Variants in KALRN observed in about 807,000 individuals in gnomAD.
KALRN encodes kalirin RhoGEF kinase.
A neutral mutation model predicts 353.7 loss-of-function variants in KALRN; 70 were observed. That is an observed-to-expected ratio of 0.20 (90% CI 0.16 to 0.24). KALRN has a LOEUF of 0.24. Ranked by LOEUF, KALRN falls within the 10% of genes least tolerant of loss-of-function variation. KALRN has a pLI of 1.00. For synonymous variants in KALRN, 1,391 were observed against 1,434.8 expected (o/e 0.97, Z 0.69); for missense variants, 2,791 against 3,756.7 (o/e 0.74, Z 6.72).
chr3:124,596,200 AG>A (rs201809697), intron 34 of KALRN, among the ~76,000 whole-genome samples: 22 of 147,988 alleles, frequency 1.5e-4, no homozygotes, highest in Non-Finnish European at 1.3e-4. Context: ...AAAAAAAAAA[AG>A]GACCAGGTGC....
rs2092605965 is a variant in KALRN, at chr3:124,418,188, G to A, written c.2542+4523G>A. The stretch of plus-strand genomic sequence containing the variant: ...TTTTCAAAATGAAAGCTACTCTGGG[G>A]TGAATAGGAATGTGGATCTGAGGGG... On this transcript the variant is annotated intron_variant, in intron 14 of 59. Transcript: ENST00000682506. Among the ~76,000 whole-genome samples the A allele has an allele frequency of 4.6e-5, 7 of 152,154 alleles. No individual in the cohort carries two copies. The South Asian group carries it at 1.2e-3, about 27-fold the overall frequency.
intron 1 of KALRN, among the ~76,000 whole-genome samples, chr3:124,214,287 T>C (rs1246747679): frequency 6.6e-6 from 1 of 152,192 alleles, no homozygotes. Flanking sequence ...TTGTATAATA[T>C]TTAATGCATA....
chr3:124,577,877 A>G (rs2074269381), intron 34 of KALRN, among the ~76,000 whole-genome samples: 28 of 152,124 alleles, frequency 1.8e-4, no homozygotes, highest in Admixed American at 1.8e-3. Flanking sequence ...AAACAAACAA[A>G]CAAACAAACA....
intron 13 of KALRN, among the ~76,000 whole-genome samples, chr3:124,400,685 T>C (rs992722521): frequency 2.6e-5 from 4 of 152,192 alleles, no homozygotes; most frequent in Non-Finnish European, 2.9e-5. Flanking sequence ...TATGGGTCAT[T>C]ATTCTTTAGT....
intron 5 of KALRN, among the ~76,000 whole-genome samples, chr3:124,290,745 T>C (rs904930523): frequency 2.0e-5 from 3 of 152,134 alleles, no homozygotes; most frequent in African/African-American, 7.2e-5. Context: ...TTAGGAGGAT[T>C]AAGTGAGTTA....
chr3:124,446,687 C>G, intron 20 of KALRN, 76 bp from the exon 21 acceptor site: 3 of 1,553,598 alleles, frequency 1.9e-6, no homozygotes, highest in Non-Finnish European at 2.6e-6. Context: ...CCAACAATAA[C>G]CTTCATTGTA....
At chr3:124,449,076 C>T (rs2058524913) in intron 21 of KALRN, among the ~76,000 whole-genome samples, 1 of 152,192 alleles carries the variant, frequency 6.6e-6, no homozygotes, top group African/African-American at 2.4e-5. Flanking sequence ...GCAGCAGCCT[C>T]CTGCCCCACC....
chr3:124,209,090 T>C (rs534499332), intron 1 of KALRN, among the ~76,000 whole-genome samples: 2 of 152,256 alleles, frequency 1.3e-5, no homozygotes, highest in Non-Finnish European at 2.9e-5. Context: ...ATTGATTATT[T>C]ATAGGGACTT....
intron 57 of KALRN, among the ~76,000 whole-genome samples, chr3:124,708,623 A>C (rs1320980076): frequency 1.3e-5 from 2 of 152,174 alleles, no homozygotes; most frequent in Admixed American, 6.5e-5. Flanking sequence ...ACGTAACCCC[A>C]GGGACCTATG....
chr3:124,660,607 G>T (rs1386748078), intron 43 of KALRN, among the ~76,000 whole-genome samples: 1 of 150,596 alleles, frequency 6.6e-6, no homozygotes, highest in African/African-American at 2.4e-5. Context: ...CTTGAACCTA[G>T]GAGGCACAGG....
At chr3:124,524,372 G>A (rs76902361) in intron 33 of KALRN, among the ~76,000 whole-genome samples, 2 of 152,114 alleles carry the variant, frequency 1.3e-5, no homozygotes, top group Non-Finnish European at 2.9e-5. Context: ...CCAAAAGCAT[G>A]GTAAACAGGG....
Position 124,334,154 on chromosome 3 carries a change from T to G in KALRN, c.1417-111T>G. Reference sequence around the variant, plus strand: ...GCTAGGTGTCTGGGTATGGAATGCCTGAGATTCTCAGAAGGCCTAGTCAGG... The same window carrying G: ...GCTAGGTGTCTGGGTATGGAATGCCGGAGATTCTCAGAAGGCCTAGTCAGG... On this transcript the variant is annotated intron_variant, in intron 8 of 59. Transcript: ENST00000682506. The surrounding 1 kb of genome is among the most constrained non-coding windows in gnomAD (Gnocchi z 4.2). 2.2e-6 allele frequency: 2 copies of G among 907,488 alleles called. No homozygotes were observed. Among genetic ancestry groups the G allele is most frequent in the Non-Finnish European group, 3.5e-6 (2 of 566,864 alleles). 56.2% of individuals were successfully genotyped at this position (907,488 alleles called of 1,614,324 possible). A position where few individuals can be genotyped will look rare whatever the true frequency, so the allele number is the denominator to read the frequency against.
intron 34 of KALRN, among the ~76,000 whole-genome samples, chr3:124,597,144 G>A (rs1245834278): frequency 6.6e-6 from 1 of 152,128 alleles, no homozygotes; most frequent in Non-Finnish European, 1.5e-5. Context: ...CATTCAGATG[G>A]TTTCATTAAT....
At chr3:124,607,365 G>A (rs2077458079) in intron 34 of KALRN, among the ~76,000 whole-genome samples, 1 of 152,218 alleles carries the variant, frequency 6.6e-6, no homozygotes, top group Non-Finnish European at 1.5e-5. Context: ...CATTGAAAAT[G>A]AGCCAAGATA....
At chr3:124,421,845 A>C (rs2150356757) in intron 14 of KALRN, among the ~76,000 whole-genome samples, 1 of 152,312 alleles carries the variant, frequency 6.6e-6, no homozygotes, top group East Asian at 1.9e-4. Context: ...GTGTGTTTGC[A>C]CCTGTGCTCA....
At chr3:124,682,407 C>A (rs2061381517) in intron 51 of KALRN, among the ~76,000 whole-genome samples, 1 of 152,126 alleles carries the variant, frequency 6.6e-6, no homozygotes, top group Non-Finnish European at 1.5e-5. Flanking sequence ...TCCTGGAACC[C>A]CAGCTGACAT....
intron 6 of KALRN, among the ~76,000 whole-genome samples, chr3:124,319,179 A>G (rs564354709): frequency 6.6e-6 from 1 of 151,950 alleles, no homozygotes; most frequent in South Asian, 2.1e-4. Flanking sequence ...AATAATTTTT[A>G]AAATTAAAAT....
chr3:124,661,750 G>A, intron 44 of KALRN, 101 bp from the exon 45 acceptor site: 6 of 881,210 alleles, frequency 6.8e-6, no homozygotes, highest in Non-Finnish European at 1.2e-5. Context: ...GAATAAAGGA[G>A]CCACCAGAGA....
At chr3:124,162,478 A>G (rs1408910663) in intron 1 of KALRN, 1 of 152,180 alleles carries the variant, frequency 6.6e-6, no homozygotes, top group African/African-American at 2.4e-5. Context: ...TGAACTCGGA[A>G]TATTATAGTT....
Sources: gnomAD v4.1 joint callset for allele counts (sites outside exome capture counted in the v4.1 genomes callset) on GRCh38, gnomAD v4.1.1 for gene constraint, Gnocchi (gnomAD v3.1) non-coding constraint, MANE v1.5 for transcripts, NCBI Gene and HGNC (gene_info 2026-07-23, HGNC 2026-07-21) for gene names.